Variants in SOX5 observed in about 807,000 individuals in gnomAD.
SOX5 encodes transcription factor SOX-5.
A neutral mutation model predicts 92.0 loss-of-function variants in SOX5; 9 were observed. That is an observed-to-expected ratio of 0.10 (90% confidence interval 0.06 to 0.17). The LOEUF is 0.17. Among genes scored for constraint, SOX5 ranks in the 10% least tolerant of loss-of-function variants. SOX5 has a pLI of 1.00. For missense variants in SOX5, 642 were observed against 944.5 expected (o/e 0.68, Z 4.20); for synonymous variants, 344 against 336.3 (o/e 1.02, Z -0.25).
At chr12:23,547,487 G>A (rs7976982) in intron 11 of SOX5, among the ~76,000 whole-genome samples, 1 of 151,866 alleles carries the variant, frequency 6.6e-6, no homozygotes, top group Admixed American at 6.6e-5. Flanking sequence ...AATCAATGAT[G>A]TAAGATAATT....
chr12:23,728,200 A>C (rs2093240295), intron 6 of SOX5, among the ~76,000 whole-genome samples: 1 of 152,170 alleles, frequency 6.6e-6, no homozygotes, highest in African/African-American at 2.4e-5. Flanking sequence ...TTATATCTCC[A>C]TATTTCCTCC....
intron 3 of SOX5, among the ~76,000 whole-genome samples, chr12:24,264,224 T>A (rs184888246): frequency 1.9e-4 from 29 of 152,336 alleles, no homozygotes; most frequent in African/African-American, 7.0e-4. Context: ...TGGCATTAGA[T>A]AGATATCTTG....
intron 2 of SOX5, among the ~76,000 whole-genome samples, chr12:23,858,863 C>T (rs142430240): frequency 0.018 from 2,682 of 152,256 alleles, 79 homozygotes; most frequent in African/African-American, 0.06. Flanking sequence ...ATTAGTTCCC[C>T]AAACTAATAC....
intron 3 of SOX5, among the ~76,000 whole-genome samples, chr12:24,225,414 T>C (rs958659713): frequency 1.3e-5 from 2 of 151,764 alleles, no homozygotes; most frequent in African/African-American, 4.8e-5. Flanking sequence ...GAAAAAGCTT[T>C]GAAACTTTAA....
At chr12:24,372,007 G>C (rs975812741) in intron 1 of SOX5, among the ~76,000 whole-genome samples, 1 of 151,898 alleles carries the variant, frequency 6.6e-6, no homozygotes, top group African/African-American at 2.4e-5. Context: ...AAAAGAGAGA[G>C]AGAGAGAGAT....
At chr12:24,193,923 C>T (rs995446255) in intron 4 of SOX5, among the ~76,000 whole-genome samples, 1 of 152,170 alleles carries the variant, frequency 6.6e-6, no homozygotes, top group East Asian at 1.9e-4. Context: ...TAATCATGAC[C>T]TTTCAGCTGT....
intron 4 of SOX5, among the ~76,000 whole-genome samples, chr12:24,085,677 T>C (rs1943899893): frequency 6.6e-6 from 1 of 151,868 alleles, no homozygotes; most frequent in Non-Finnish European, 1.5e-5. Flanking sequence ...GAGAGGGAGA[T>C]CTAGAAAGAT....
intron 4 of SOX5, among the ~76,000 whole-genome samples, chr12:24,022,981 G>A (rs1954481298): frequency 4.6e-5 from 7 of 151,678 alleles, no homozygotes; most frequent in Admixed American, 4.6e-4. Context: ...TTTGGGTTGG[G>A]TGACTTCTCA....
intron 1 of SOX5, among the ~76,000 whole-genome samples, chr12:24,389,575 C>T (rs1479300466): frequency 6.6e-6 from 1 of 152,178 alleles, no homozygotes; most frequent in Non-Finnish European, 1.5e-5. Context: ...CTTTTCATTG[C>T]CTAGCAATAT....
intron 1 of SOX5, among the ~76,000 whole-genome samples, chr12:23,944,631 C>T (rs912484681): frequency 6.6e-6 from 1 of 152,238 alleles, no homozygotes; most frequent in East Asian, 1.9e-4. Context: ...CTAGCAATAT[C>T]ACTTGATCCT....
intron 1 of SOX5, among the ~76,000 whole-genome samples, chr12:24,493,443 C>T (rs1299455604): frequency 1.3e-5 from 2 of 152,080 alleles, no homozygotes; most frequent in African/African-American, 2.4e-5. Flanking sequence ...AAAACTGGTT[C>T]ATTAATTGTA....
chr12:24,101,020 C>T (rs962020634), intron 4 of SOX5, among the ~76,000 whole-genome samples: 7 of 152,012 alleles, frequency 4.6e-5, no homozygotes, highest in Non-Finnish European at 1.0e-4. Flanking sequence ...CTATCAGGGC[C>T]TTCCATTTTT....
intron 1 of SOX5, among the ~76,000 whole-genome samples, chr12:24,534,421 T>C (rs984141757): frequency 6.6e-6 from 1 of 152,174 alleles, no homozygotes; most frequent in Non-Finnish European, 1.5e-5. Flanking sequence ...GTAGATATAA[T>C]ATGTCTAAAA....
At chr12:23,940,970 T>C (rs1479916307) in intron 1 of SOX5, among the ~76,000 whole-genome samples, 1 of 151,506 alleles carries the variant, frequency 6.6e-6, no homozygotes. Context: ...GATGGAATAC[T>C]ATTATATGTT....
chr12:24,028,314 G>A (rs1955103670), intron 4 of SOX5, among the ~76,000 whole-genome samples: 1 of 152,006 alleles, frequency 6.6e-6, no homozygotes, highest in Admixed American at 6.6e-5. Flanking sequence ...CTGTCACACA[G>A]CAATGCCTTC....
chr12:24,146,837 T>A (rs1951140805), intron 4 of SOX5, among the ~76,000 whole-genome samples: 2 of 151,530 alleles, frequency 1.3e-5, no homozygotes, highest in African/African-American at 4.8e-5. Flanking sequence ...TTTAATAAGA[T>A]AATATTATGA....
At chr12:24,014,596 T>A (rs1040421281) in intron 4 of SOX5, among the ~76,000 whole-genome samples, 1 of 152,090 alleles carries the variant, frequency 6.6e-6, no homozygotes, top group African/African-American at 2.4e-5. Flanking sequence ...TGATCTTGAG[T>A]GGATTCAATA....
intron 7 of SOX5, among the ~76,000 whole-genome samples, chr12:23,659,336 T>A (rs1333542196): frequency 6.6e-6 from 1 of 152,228 alleles, no homozygotes; most frequent in Non-Finnish European, 1.5e-5. Context: ...TATGAGGAAC[T>A]AATTAACTGA....
chr12:24,075,277 TAAAA>T (rs59967372), intron 4 of SOX5, among the ~76,000 whole-genome samples: 12 of 75,790 alleles, frequency 1.6e-4, no homozygotes, highest in Non-Finnish European at 1.8e-4. Context: ...CTCAAATTAT[TAAAA>T]AAAAAAAAAA....
Sources: allele counts gnomAD v4.1 joint callset (sites outside exome capture counted in the v4.1 genomes callset), GRCh38; gene constraint gnomAD v4.1.1; transcripts MANE v1.5; gene names NCBI Gene and HGNC (gene_info 2026-07-23, HGNC 2026-07-21).